FGF14: variants seen among roughly 807,000 people sequenced by gnomAD.
FGF14 encodes the protein fibroblast growth factor homologous factor 4.
Under a neutral mutation model 25.5 loss-of-function variants are expected in FGF14, and 5 were observed. That is an observed-to-expected ratio of 0.20 (90% CI 0.10 to 0.41). The LOEUF is 0.41. FGF14 is among the 10% of genes least tolerant of loss of function. The pLI is 1.00. For missense variants in FGF14, 222 were observed against 320.1 expected (o/e 0.69, Z 2.34); for synonymous variants, 138 against 118.3 (o/e 1.17, Z -1.08).
At chr13:102,118,384 A>T (rs947295271) in intron 1 of FGF14, among the ~76,000 whole-genome samples, 1 of 102,208 alleles carries the variant, frequency 9.8e-6, no homozygotes, top group Non-Finnish European at 1.8e-5. Flanking sequence ...ATTTTTTTAA[A>T]CTTTGACAAC....
rs555908143 is a variant in FGF14, at chr13:102,205,539, A to G, written c.208+195932T>C. Among the ~76,000 whole-genome samples the G allele has an allele frequency of 3.9e-5, 6 of 152,226 alleles. No homozygotes were observed. The South Asian group carries it at 1.2e-3, about 32-fold the overall frequency. The stretch of plus-strand genomic sequence containing the variant: ...TGCAAAGTATAACATATGGTCCCTG[A>G]CCTCAATTTGCCTTCAAGGGTCAGA... On this transcript the variant is annotated intron_variant, in intron 1 of 4. Coordinates refer to the FGF14 transcript ENST00000376131.
At chr13:101,952,134 G>A (rs539071248) in intron 1 of FGF14, among the ~76,000 whole-genome samples, 50 of 151,930 alleles carry the variant, frequency 3.3e-4, no homozygotes, top group African/African-American at 1.0e-3. Flanking sequence ...TTTGAAATAA[G>A]CATCCAAACT....
chr13:102,233,280 G>A (rs1015279182), intron 1 of FGF14, among the ~76,000 whole-genome samples: 7 of 151,578 alleles, frequency 4.6e-5, no homozygotes, highest in Non-Finnish European at 8.8e-5. Context: ...GATTATAGGC[G>A]CCCACCACAC....
chr13:102,092,330 TC>T (rs1220025508), intron 1 of FGF14, among the ~76,000 whole-genome samples: 3 of 152,348 alleles, frequency 2.0e-5, no homozygotes, highest in East Asian at 1.9e-4. Flanking sequence ...CTAAAAACTC[TC>T]ACTCTTACCC....
rs111839846 is a variant in FGF14 at position 102,052,290 on chromosome 13, C to A, written c.209-176994G>T. The stretch of plus-strand genomic sequence containing the variant: ...AACAGAGCAAATGTTTGAGTCCTGG[C>A]AGTTAAGAAAAGAGAGTGATAAAAA... On this transcript the variant is annotated intron_variant, in intron 1 of 4. Transcript: ENST00000376131. 3.8e-3 allele frequency among the ~76,000 whole-genome samples: 577 copies of A among 151,926 alleles called. 1 individual carries two copies. The highest frequency in any genetic ancestry group is 6.0e-3 in the Non-Finnish European group (409 of 67,956).
rs1057476400 is a variant in FGF14, at chr13:101,722,621, A to C, written c.*210T>G. 1.1e-5 allele frequency: 7 copies of C among 624,550 alleles called. No individual in the cohort carries two copies. Among genetic ancestry groups the C allele is most frequent in the Non-Finnish European group, 1.7e-5 (6 of 353,968 alleles). The allele number at this position is 624,550 out of a possible 1,614,324, so 38.7% of individuals were successfully genotyped here. A position where few individuals can be genotyped will look rare whatever the true frequency, so the allele number is the denominator to read the frequency against. The stretch of plus-strand genomic sequence containing the variant: ...ATCTGGTAGGGCATTCCATGGTCTG[A>C]GTTTAGCTGGTTATCCAGGTGTCTT... On this transcript the variant is annotated 3_prime_UTR_variant, in exon 5 of 5. Transcript: ENST00000376143.
intron 1 of FGF14, among the ~76,000 whole-genome samples, chr13:102,020,555 GAAAGAGAGAGAGAGAAGGAAGGAAACA>G (rs577195397): frequency 1.9e-3 from 283 of 151,788 alleles, no homozygotes; most frequent in Non-Finnish European, 2.5e-3. Context: ...GAGAAACAAA[GAAAGAGAGAGAGAGAAGGAAGGAAACA>G]AAAGAGAGAG....
chr13:102,114,296 T>C lies in FGF14; in HGVS notation c.209-239000A>G, dbSNP rs375775013. 2.6e-5 allele frequency among the ~76,000 whole-genome samples: 4 copies of C among 152,192 alleles called. No individual in the cohort carries two copies. In the East Asian group the frequency reaches 5.8e-4, roughly 22 times the overall value. On this transcript the variant is annotated intron_variant, in intron 1 of 4. Transcript: ENST00000376131. ...TATTGAGTTGTAGGAATTTCTTATA[T>C]ATTTTAGAGATCAACCCTTTATCAG...
At chr13:101,835,754 T>A (rs532342724) in intron 3 of FGF14, among the ~76,000 whole-genome samples, 1 of 152,150 alleles carries the variant, frequency 6.6e-6, no homozygotes, top group Non-Finnish European at 1.5e-5. Context: ...TGCTTGCGGC[T>A]ACCCACTCCT....
chr13:102,191,347 T>G (rs182380920), intron 1 of FGF14, among the ~76,000 whole-genome samples: 2 of 152,182 alleles, frequency 1.3e-5, no homozygotes, highest in Non-Finnish European at 2.9e-5. Flanking sequence ...TTGAACAACA[T>G]AAATTTATTT....
intron 1 of FGF14, among the ~76,000 whole-genome samples, chr13:101,986,762 T>C (rs1289047478): frequency 6.6e-6 from 1 of 152,104 alleles, no homozygotes; most frequent in Non-Finnish European, 1.5e-5. Context: ...CAAACCCTTG[T>C]CTAAAACTGA....
At chr13:102,090,405 G>A (rs2044112173) in intron 1 of FGF14, among the ~76,000 whole-genome samples, 1 of 152,220 alleles carries the variant, frequency 6.6e-6, no homozygotes, top group African/African-American at 2.4e-5. Context: ...CACTAGCTGT[G>A]TCTTAGGTAA....
intron 1 of FGF14, among the ~76,000 whole-genome samples, chr13:102,383,298 G>A (rs1166247589): frequency 6.6e-6 from 1 of 152,080 alleles, no homozygotes; most frequent in African/African-American, 2.4e-5. Context: ...CTTTGAAGTT[G>A]TGTTAGTATT....
intron 3 of FGF14, among the ~76,000 whole-genome samples, chr13:101,855,968 T>C (rs902224408): frequency 2.0e-5 from 3 of 151,570 alleles, no homozygotes; most frequent in Admixed American, 1.3e-4. Context: ...CACTTCAGTG[T>C]GCAAGCCTTC....
chr13:102,253,131 C>T (rs1188328581), intron 1 of FGF14, among the ~76,000 whole-genome samples: 2 of 152,090 alleles, frequency 1.3e-5, no homozygotes, highest in Admixed American at 6.6e-5. Context: ...AATAAACATA[C>T]GTGTGCATGT....
intron 1 of FGF14, among the ~76,000 whole-genome samples, chr13:102,122,568 G>A (rs2140369505): frequency 6.6e-6 from 1 of 152,206 alleles, no homozygotes; most frequent in African/African-American, 2.4e-5. Context: ...GTTGTTATAT[G>A]ACTGCCAAAT....
At chr13:102,271,932 A>G (rs1400807502) in intron 1 of FGF14, among the ~76,000 whole-genome samples, 2 of 152,026 alleles carry the variant, frequency 1.3e-5, no homozygotes, top group East Asian at 3.9e-4. Context: ...CCCCAACCCA[A>G]TAGTCTATTC....
At chr13:101,904,538 T>C (rs773782468) in intron 1 of FGF14, among the ~76,000 whole-genome samples, 10 of 152,258 alleles carry the variant, frequency 6.6e-5, no homozygotes, top group Middle Eastern at 3.4e-3. Context: ...AGTGAACAAA[T>C]AGAAAGACTT....
rs1207399102 is a variant in FGF14 at position 101,722,956 on chromosome 13, G to C, written c.619C>G (p.Arg207Gly). The stretch of plus-strand genomic sequence containing the variant: ...CCAACATCATGCAAAGATGGTTCTC[G>C]GTACATGGCAACTAGTGATGGGAAG... Reference protein sequence around the residue: ...LPKPLEVAMYREPSLHDVGET... With the variant: ...LPKPLEVAMYGEPSLHDVGET... Residue 207 changes from arginine (R) to glycine (G), a missense_variant, in exon 5 of 5, where the codon CGA becomes GGA. Transcript: ENST00000376143. 2 of 1,613,132 alleles carry C rather than the reference G, an allele frequency of 1.2e-6. No individual in the cohort carries two copies. Among genetic ancestry groups the C allele is most frequent in the Non-Finnish European group, 1.7e-6 (2 of 1,179,438 alleles).
Sources: gnomAD v4.1 joint callset for allele counts (sites outside exome capture counted in the v4.1 genomes callset) on GRCh38, gnomAD v4.1.1 for gene constraint, MANE v1.5 for transcripts, NCBI Gene and HGNC (gene_info 2026-07-23, HGNC 2026-07-21) for gene names.